AFF1: variants seen among roughly 807,000 people sequenced by gnomAD.
AFF1 encodes AF4/FMR2 family member 1.
In AFF1, 48 loss-of-function variants were observed where a neutral mutation model predicts 121.7. The observed-to-expected ratio is 0.39, with a 90% confidence interval of 0.31 to 0.50. The LOEUF (loss-of-function observed/expected upper bound fraction) is 0.50, where lower values mean the gene tolerates loss of function less well. Ranked by LOEUF, AFF1 falls within the 20% of genes least tolerant of loss-of-function variation. The pLI is 0.76. For missense variants in AFF1, 1,523 were observed against 1,511.7 expected (o/e 1.01, Z -0.12); for synonymous variants, 613 against 563.0 (o/e 1.09, Z -1.26).
rs1465084690 is a variant in AFF1 at position 87,022,592 on chromosome 4, A to ATATCTC, written c.39-23573_39-23572insATCTCT. Among the ~76,000 whole-genome samples, 5 of 99,826 alleles carry ATATCTC rather than the reference A, an allele frequency of 5.0e-5. No homozygotes were observed. In the East Asian group the frequency reaches 1.0e-3, roughly 20 times the overall value. 65.5% of individuals were successfully genotyped at this position (99,826 alleles called of 152,430 possible). ...TATATATATATATATATCTATCTAT[A>ATATCTC]TCTATCTGTGTGTATATATATCTGT... On this transcript the variant is annotated intron_variant, in intron 2 of 20. Transcript: ENST00000395146.
chr4:86,972,683 G>T (rs116656653), intron 2 of AFF1, among the ~76,000 whole-genome samples: 2,546 of 152,052 alleles, frequency 0.017, 80 homozygotes, highest in African/African-American at 0.058. Context: ...GATTACAGGC[G>T]TGCACCACTA....
intron 2 of AFF1, among the ~76,000 whole-genome samples, chr4:86,982,599 C>G (rs754480201): frequency 8.0e-5 from 12 of 150,918 alleles, no homozygotes; most frequent in Non-Finnish European, 1.2e-4. Flanking sequence ...GGCTCATGCA[C>G]TTTGGAAGGC....
chr4:87,035,661 T>C (rs1199087723), intron 2 of AFF1, among the ~76,000 whole-genome samples: 2 of 152,106 alleles, frequency 1.3e-5, no homozygotes, highest in African/African-American at 2.4e-5. Flanking sequence ...TTATGATTTT[T>C]AGAAAAATCA....
At chr4:87,006,182 G>A (rs1275892909) in intron 2 of AFF1, among the ~76,000 whole-genome samples, 2 of 152,200 alleles carry the variant, frequency 1.3e-5, no homozygotes, top group Non-Finnish European at 2.9e-5. Context: ...ATTCTAGGTA[G>A]AAGAACGGAG....
chr4:86,992,204 C>G (rs1724786597), intron 2 of AFF1, among the ~76,000 whole-genome samples: 1 of 152,170 alleles, frequency 6.6e-6, no homozygotes, highest in South Asian at 2.1e-4. Context: ...TCAGTCCCAC[C>G]ACTTACCAGT....
At chr4:87,019,884 C>CGGGG (rs34782951) in intron 2 of AFF1, among the ~76,000 whole-genome samples, 3,046 of 82,104 alleles carry the variant, frequency 0.037, 44 homozygotes, top group Non-Finnish European at 0.05. Flanking sequence ...CTGAAGGGGT[C>CGGGG]GGGGGGGGGC....
intron 5 of AFF1, among the ~76,000 whole-genome samples, chr4:87,089,038 C>T (rs888597335): frequency 2.6e-5 from 4 of 152,150 alleles, no homozygotes; most frequent in Admixed American, 6.5e-5. Context: ...CTGCTGCGCC[C>T]GGCCGCATGT....
intron 2 of AFF1, among the ~76,000 whole-genome samples, chr4:86,985,181 C>CTATATATATATA (rs55891819): frequency 0.018 from 1,684 of 96,128 alleles, 72 homozygotes; most frequent in African/African-American, 0.048. Flanking sequence ...ATATGTATTA[C>CTATATATATATA]TATATATATA....
intron 2 of AFF1, among the ~76,000 whole-genome samples, chr4:87,033,682 C>T (rs751034351): frequency 1.3e-5 from 2 of 152,152 alleles, no homozygotes; most frequent in African/African-American, 2.4e-5. Flanking sequence ...GACGTTTCAG[C>T]AGTTTCTTCT....
At chr4:86,978,176 A>ATTTTTTTTTTTTTTT (rs1723449569) in intron 2 of AFF1, among the ~76,000 whole-genome samples, 3 of 22,652 alleles carry the variant, frequency 1.3e-4, no homozygotes, top group Admixed American at 7.0e-4. Flanking sequence ...CATTACATTC[A>ATTTTTTTTTTTTTTT]CTTTTTTTTT....
At chr4:87,025,601 TC>T (rs1728448898) in intron 2 of AFF1, among the ~76,000 whole-genome samples, 1 of 152,200 alleles carries the variant, frequency 6.6e-6, no homozygotes, top group Non-Finnish European at 1.5e-5. Context: ...CCCTTCCCTA[TC>T]CCGGGGATAT....
chr4:86,978,291 C>T (rs1343730900), intron 2 of AFF1, among the ~76,000 whole-genome samples: 1 of 144,032 alleles, frequency 6.9e-6, no homozygotes, highest in Non-Finnish European at 1.5e-5. Context: ...TCAAGCGATT[C>T]TCCTGCCTCA....
chr4:86,963,963 G>GTTTTTTTTTTTTTTTT (rs3035477), intron 2 of AFF1, among the ~76,000 whole-genome samples: 7 of 104,360 alleles, frequency 6.7e-5, no homozygotes, highest in African/African-American at 1.1e-4. Flanking sequence ...GACTAGACTG[G>GTTTTTTTTTTTTTTTT]TTTTTTTTTT....
chr4:87,131,884 TA>T lies in AFF1; in HGVS notation c.3173+23del, dbSNP rs773469884. The T allele has an allele frequency of 2.0e-6, 3 of 1,525,990 alleles. No homozygotes were observed. The South Asian group carries it at 3.7e-5, about 19-fold the overall frequency. The allele number at this position is 1,525,990 out of a possible 1,614,324, so 94.5% of individuals were successfully genotyped here. A position where few individuals can be genotyped will look rare whatever the true frequency, so the allele number is the denominator to read the frequency against. On this transcript the variant is annotated intron_variant, in intron 18 of 20. Transcript: ENST00000395146. ...TTTATGGTGCGTATTTTCCTTTGTC[TA>T]AATAGTACTAAATTTGTTTTTGCAT...
intron 2 of AFF1, among the ~76,000 whole-genome samples, chr4:87,035,176 T>G (rs1729433742): frequency 1.3e-5 from 2 of 152,098 alleles, no homozygotes. Flanking sequence ...GCCTCCCTGC[T>G]CCTTGTGCTT....
intron 1 of AFF1, among the ~76,000 whole-genome samples, chr4:86,942,476 G>A (rs1018468890): frequency 1.1e-4 from 17 of 152,164 alleles, no homozygotes; most frequent in African/African-American, 4.1e-4. Flanking sequence ...AGTGTGGCCA[G>A]CACTGCTATT....
intron 2 of AFF1, chr4:87,007,485 C>T (rs2149529802): frequency 5.6e-6 from 9 of 1,599,574 alleles, no homozygotes; most frequent in Non-Finnish European, 7.7e-6. Context: ...CTGAAGGTTG[C>T]GGGGGAGGGC....
chr4:87,037,304 G>A (rs1729664217), intron 2 of AFF1, among the ~76,000 whole-genome samples: 1 of 152,058 alleles, frequency 6.6e-6, no homozygotes, highest in African/African-American at 2.4e-5. Flanking sequence ...ATCCCATGCT[G>A]CTTGGTGGTA....
At position 87,139,884 on chromosome 4, in the gene AFF1, C is replaced by G. The variant is rs1251673417; in HGVS notation, c.*4183C>G. On this transcript the variant is annotated 3_prime_UTR_variant, in exon 21 of 21. Coordinates refer to ENST00000395146, the MANE Select transcript of AFF1 (RefSeq NM_001166693.3). ...CTCTTCATGAATTGTGAGCACTGAC[C>G]ATGTTCTTCAGTTCTTAATTATGGT... The G allele has an allele frequency of 9.0e-6, 2 of 221,860 alleles. No individual in the cohort carries two copies. The highest frequency in any genetic ancestry group is 1.2e-4 in the Admixed American group (2 of 17,346). 13.7% of individuals were successfully genotyped at this position (221,860 alleles called of 1,614,324 possible). A position where few individuals can be genotyped will look rare whatever the true frequency, so the allele number is the denominator to read the frequency against.
Sources: allele counts gnomAD v4.1 joint callset (sites outside exome capture counted in the v4.1 genomes callset), GRCh38; gene constraint gnomAD v4.1.1; transcripts MANE v1.5; gene names NCBI Gene and HGNC (gene_info 2026-07-23, HGNC 2026-07-21).